Variants in PLCL2 observed in about 807,000 individuals in gnomAD.
PLCL2 encodes the protein inactive phospholipase C-like protein 2.
Under a neutral mutation model 79.6 loss-of-function variants are expected in PLCL2, and 4 were observed. The observed-to-expected ratio is 0.05, with a 90% CI of 0.02 to 0.11. PLCL2 has a LOEUF of 0.11. Among genes scored for constraint, PLCL2 ranks in the 10% least tolerant of loss-of-function variants. The probability of loss-of-function intolerance (pLI) is 1.00; values close to 1 mark genes in which losing one functional copy is unlikely to be tolerated. For synonymous variants in PLCL2, 484 were observed against 457.7 expected, an observed-to-expected ratio of 1.06 and a Z score of -0.73; for missense variants, 895 against 1,291.0, an observed-to-expected ratio of 0.69 and a Z score of 4.70.
intron 3 of PLCL2, among the ~76,000 whole-genome samples, chr3:17,034,832 A>G (rs2064625559): frequency 6.6e-6 from 1 of 152,096 alleles, no homozygotes; most frequent in East Asian, 1.9e-4. Flanking sequence ...TTAAGAGAAG[A>G]CTTACTGTAT....
chr3:16,902,826 C>CAAA lies in PLCL2; in HGVS notation c.327+17477_327+17479dup, dbSNP rs777160871. On this transcript the variant is annotated intron_variant, in intron 1 of 5. Coordinates refer to ENST00000615277, the MANE Select transcript of PLCL2 (RefSeq NM_001144382.2). ...TGGTAAACAGAGCTACACTCCATCT[C>CAAA]AAAAAAAAAAAAAAAAAAATGCAGT... Among the ~76,000 whole-genome samples, 43 of 73,680 alleles carry CAAA rather than the reference C, an allele frequency of 5.8e-4. 4 individuals are homozygous for CAAA. The highest frequency in any genetic ancestry group is 0.022 in the Middle Eastern group (2 of 92). 48.3% of individuals were successfully genotyped at this position (73,680 alleles called of 152,430 possible).
intron 1 of PLCL2, among the ~76,000 whole-genome samples, chr3:17,003,610 C>G (rs2064231427): frequency 6.6e-6 from 1 of 152,152 alleles, no homozygotes; most frequent in African/African-American, 2.4e-5. Flanking sequence ...TTAGGCAGCC[C>G]TATGCACCTG....
At chr3:16,894,546 A>G (rs1352580916) in intron 1 of PLCL2, among the ~76,000 whole-genome samples, 1 of 152,214 alleles carries the variant, frequency 6.6e-6, no homozygotes, top group East Asian at 1.9e-4. Flanking sequence ...GCCAATTTAC[A>G]CACCTACCAG....
rs75338064 is a variant in PLCL2, at chr3:17,046,289, C to T, written c.3094+3340C>T. Among the ~76,000 whole-genome samples, 618 of 152,310 alleles carry T rather than the reference C, an allele frequency of 4.1e-3. 1 individual carries two copies. The highest frequency in any genetic ancestry group is 7.3e-3 in the Non-Finnish European group (495 of 68,012). On this transcript the variant is annotated intron_variant, in intron 4 of 5. Transcript: ENST00000615277. ...AAGTTGGGAAAAGATTTGTCAAATT[C>T]TTTCAGGGCCAAAGTCTTTTCCACT...
At chr3:16,933,580 C>A (rs1268520876) in intron 1 of PLCL2, among the ~76,000 whole-genome samples, 2 of 152,118 alleles carry the variant, frequency 1.3e-5, no homozygotes, top group African/African-American at 2.4e-5. Flanking sequence ...CCTGCTTTTT[C>A]ATACACTGTA....
chr3:16,984,829 C>T (rs182920013), intron 1 of PLCL2, among the ~76,000 whole-genome samples: 139 of 151,884 alleles, frequency 9.2e-4, no homozygotes, highest in South Asian at 4.4e-3. Context: ...CTACTCGGGA[C>T]GCTGAGGCAG....
chr3:16,958,906 CT>C (rs1172940654), intron 1 of PLCL2, among the ~76,000 whole-genome samples: 4 of 152,320 alleles, frequency 2.6e-5, no homozygotes, highest in African/African-American at 9.6e-5. Context: ...TGTTGTAGAC[CT>C]TTCCCCCTAA....
At chr3:17,087,100 G>T (rs1331087010) in intron 5 of PLCL2, among the ~76,000 whole-genome samples, 3 of 152,172 alleles carry the variant, frequency 2.0e-5, no homozygotes, top group Non-Finnish European at 4.4e-5. Context: ...ACTATCTGTA[G>T]TTCTTACAGA....
At chr3:16,972,166 G>C (rs542977810) in intron 1 of PLCL2, among the ~76,000 whole-genome samples, 44 of 152,202 alleles carry the variant, frequency 2.9e-4, no homozygotes, top group African/African-American at 1.0e-3. Context: ...CATAGTGTTG[G>C]AAGTTCTGGC....
At position 17,010,835 on chromosome 3, in the gene PLCL2, C is replaced by T. The variant is rs139403153; in HGVS notation, c.1489C>T (p.Arg497Cys). 17 of 1,613,962 alleles carry T rather than the reference C, an allele frequency of 1.1e-5. No homozygotes were observed. In the East Asian group the frequency reaches 1.6e-4, roughly 15 times the overall value. ...CACCATGACCTCTCAGATAGTTTTC[C>T]GCAGTGTCATTGATATTATTAACAA... The part of the protein sequence containing the change: ...GHTMTSQIVF[R>C]SVIDIINKYA... Residue 497 changes from arginine (R) to cysteine (C), a missense_variant, in exon 2 of 6, where the codon CGC becomes TGC. Physicochemically the swap from Arg to Cys is radical, Grantham distance 180. Coordinates refer to ENST00000615277, the MANE Select transcript of PLCL2 (RefSeq NM_001144382.2). This position sits in a 1 kb window ranked among gnomAD's most constrained non-coding sequence, Gnocchi z 5.8.
At chr3:16,942,607 G>C (rs1268129448) in intron 1 of PLCL2, among the ~76,000 whole-genome samples, 1 of 152,090 alleles carries the variant, frequency 6.6e-6, no homozygotes, top group East Asian at 1.9e-4. Context: ...TATCACGCTT[G>C]CCACTTTTCC....
chr3:17,011,351 A>G lies in PLCL2; in HGVS notation c.2005A>G (p.Lys669Glu). The G allele has an allele frequency of 6.2e-7, 1 of 1,614,174 alleles. No individual in the cohort carries two copies. The highest frequency in any genetic ancestry group is 8.5e-7 in the Non-Finnish European group (1 of 1,180,020). ...TCCAGGGGACTTTGTAAATTACAAC[A>G]AACGTTTTCTTGCTAGGGTTTTTCC... Reference protein sequence around the residue: ...ENPGDFVNYNKRFLARVFPSP... With the variant: ...ENPGDFVNYNERFLARVFPSP... The change falls in exon 2 of 6, where the codon AAA becomes GAA. Residue 669 changes from lysine (K) to glutamate (E), a missense_variant. Lys to Glu is a moderately conservative substitution (Grantham distance 56, BLOSUM62 1). Transcript: ENST00000615277. The surrounding 1 kb of genome is among the most constrained non-coding windows in gnomAD (Gnocchi z 7.9).
chr3:17,007,912 G>A (rs2064279855), intron 1 of PLCL2, among the ~76,000 whole-genome samples: 1 of 152,042 alleles, frequency 6.6e-6, no homozygotes, highest in Non-Finnish European at 1.5e-5. Flanking sequence ...ATACTGAAAG[G>A]CAGTATCATC....
chr3:16,970,284 TC>T (rs2063847719), intron 1 of PLCL2, among the ~76,000 whole-genome samples: 1 of 151,876 alleles, frequency 6.6e-6, no homozygotes, highest in African/African-American at 2.4e-5. Context: ...ATTGTTCAAT[TC>T]CCACCAATAA....
At chr3:17,000,527 C>G (rs2064198181) in intron 1 of PLCL2, among the ~76,000 whole-genome samples, 1 of 152,016 alleles carries the variant, frequency 6.6e-6, no homozygotes, top group Non-Finnish European at 1.5e-5. Context: ...CTGTCAAACT[C>G]TAGAACTTAT....
At chr3:17,000,688 T>C (rs1266801302) in intron 1 of PLCL2, among the ~76,000 whole-genome samples, 1 of 152,168 alleles carries the variant, frequency 6.6e-6, no homozygotes, top group Non-Finnish European at 1.5e-5. Context: ...GACATTCGTC[T>C]TTCTGTGTCT....
At position 17,046,907 on chromosome 3, in the gene PLCL2, C is replaced by T. The variant is rs75197137; in HGVS notation, c.3094+3958C>T. ...ACTGTGTAGAAGCTGGATTAATTAA[C>T]GCTTAGATCTCTGTGTCCTGACAGT... On this transcript the variant is annotated intron_variant, in intron 4 of 5. Transcript: ENST00000615277. 3.9e-3 allele frequency among the ~76,000 whole-genome samples: 590 copies of T among 152,228 alleles called. 29 individuals are homozygous for T. The East Asian group carries it at 0.086, about 22-fold the overall frequency.
intron 1 of PLCL2, among the ~76,000 whole-genome samples, chr3:16,956,961 C>G (rs1265509595): frequency 2.0e-5 from 3 of 151,700 alleles, no homozygotes; most frequent in Non-Finnish European, 4.4e-5. Context: ...TCAATTTTGT[C>G]CATCTTTTCA....
chr3:16,948,400 T>C (rs1383499130), intron 1 of PLCL2, among the ~76,000 whole-genome samples: 1 of 151,920 alleles, frequency 6.6e-6, no homozygotes, highest in East Asian at 1.9e-4. Flanking sequence ...TGCTAATGGG[T>C]GTGGAGTTTA....
Sources: allele counts gnomAD v4.1 joint callset (sites outside exome capture counted in the v4.1 genomes callset), GRCh38; gene constraint gnomAD v4.1.1; non-coding constraint Gnocchi (gnomAD v3.1); transcripts MANE v1.5; gene names NCBI Gene and HGNC (gene_info 2026-07-23, HGNC 2026-07-21).